The following ZNF280B variants were observed in gnomAD, a reference collection of about 807,000 sequenced individuals.
ZNF280B encodes the protein zinc finger protein 280B, also known as suppressor of hairy wing homolog 2.
A neutral mutation model predicts 38.0 loss-of-function variants in ZNF280B; 16 were observed. The observed-to-expected ratio is 0.42, with a 90% CI of 0.28 to 0.64. The LOEUF (loss-of-function observed/expected upper bound fraction) is 0.64. ZNF280B is among the 30% of genes least tolerant of loss of function. The pLI is 0.21. For synonymous variants in ZNF280B, 253 were observed against 230.6 expected (o/e 1.10, Z -0.88); for missense variants, 581 against 639.6 (o/e 0.91, Z 0.99).
At chr22:22,501,237 T>C (rs2061818467) in intron 2 of ZNF280B, among the ~76,000 whole-genome samples, 1 of 151,792 alleles carries the variant, frequency 6.6e-6, no homozygotes, top group Non-Finnish European at 1.5e-5. Context: ...TGGTAAATTA[T>C]ATGCGTTTTT....
At chr22:22,490,526 G>A (rs2061572071) in intron 3 of ZNF280B, among the ~76,000 whole-genome samples, 1 of 151,720 alleles carries the variant, frequency 6.6e-6, no homozygotes, top group South Asian at 2.1e-4. Flanking sequence ...TATCACCCAG[G>A]TATATATTTC....
rs2061488137 is a variant in ZNF280B at position 22,485,137 on chromosome 22, G to A, written c.*2630C>T. 1 of 151,962 alleles carries A rather than the reference G, an allele frequency of 6.6e-6. No homozygotes were observed. Among genetic ancestry groups the A allele is most frequent in the African/African-American group, 2.4e-5 (1 of 41,326 alleles). The allele number at this position is 151,962 out of a possible 1,614,324, so 9.4% of individuals were successfully genotyped here. A position where few individuals can be genotyped will look rare whatever the true frequency, so the allele number is the denominator to read the frequency against. ...GAATGAAAAAGAGAGGAAGGAGGTA[G>A]GCAGGGGCCAGATCACTGGAATCTA... On this transcript the variant is annotated 3_prime_UTR_variant, in exon 4 of 4. Coordinates refer to ENST00000626650, the MANE Select transcript of ZNF280B (RefSeq NM_080764.4).
At chr22:22,497,097 C>T (rs13058551) in intron 2 of ZNF280B, among the ~76,000 whole-genome samples, 8 of 150,488 alleles carry the variant, frequency 5.3e-5, no homozygotes, top group Admixed American at 2.7e-4. Context: ...GAATTACAGG[C>T]GTGAGGCACC....
chr22:22,496,675 G>A (rs573840937), intron 2 of ZNF280B, among the ~76,000 whole-genome samples: 2 of 151,720 alleles, frequency 1.3e-5, no homozygotes, highest in Admixed American at 6.6e-5. Flanking sequence ...GTGGGGTGAA[G>A]AAAGTGATAG....
rs767198807 is a variant in ZNF280B at position 22,489,386 on chromosome 22, A to G, written c.13T>C (p.Cys5Arg). ...GGTTCAGGCTCTTTCTCTTCCTCAC[A>G]TGATTGTTCCATTTTCTAATTTTTT... MEQSCEEEKEPEPQK... is the reference protein window; with the variant it reads MEQSREEEKEPEPQK... The change falls in exon 4 of 4, where the codon TGT (cysteine) becomes CGT (arginine). Residue 5 changes from cysteine (C) to arginine (R), a missense_variant. By Grantham distance (180) the Cys-to-Arg change is radical. Transcript: ENST00000626650. The G allele has an allele frequency of 2.5e-6, 4 of 1,587,490 alleles. No homozygotes were observed. Among genetic ancestry groups the G allele is most frequent in the Non-Finnish European group, 3.4e-6 (4 of 1,170,636 alleles).
intron 2 of ZNF280B, among the ~76,000 whole-genome samples, chr22:22,506,846 G>A (rs1243347112): frequency 2.6e-5 from 4 of 151,920 alleles, no homozygotes; most frequent in Admixed American, 2.6e-4. Flanking sequence ...GGGTTAAATG[G>A]TGGATAAATG....
intron 2 of ZNF280B, among the ~76,000 whole-genome samples, chr22:22,501,027 A>AC (rs954664469): frequency 1.5e-4 from 22 of 147,344 alleles, no homozygotes; most frequent in African/African-American, 5.3e-4. Flanking sequence ...CTCAAAAAAA[A>AC]AAAAAAAAAA....
intron 2 of ZNF280B, among the ~76,000 whole-genome samples, chr22:22,496,561 C>T (rs1357487153): frequency 6.6e-6 from 1 of 151,858 alleles, no homozygotes; most frequent in African/African-American, 2.4e-5. Flanking sequence ...TCCTATAAAA[C>T]TCCCATTTAC....
At chr22:22,499,317 T>C (rs1274259184) in intron 2 of ZNF280B, among the ~76,000 whole-genome samples, 1 of 151,462 alleles carries the variant, frequency 6.6e-6, no homozygotes, top group East Asian at 2.0e-4. Flanking sequence ...CAGGCTGGAG[T>C]GAAATGGCAC....
At chr22:22,508,196 G>A (rs942238883) in intron 1 of ZNF280B, among the ~76,000 whole-genome samples, 2 of 151,890 alleles carry the variant, frequency 1.3e-5, no homozygotes, top group East Asian at 3.9e-4. Flanking sequence ...TGCGGTAGGG[G>A]AGAGAGACCC....
At position 22,488,227 on chromosome 22, in the gene ZNF280B, T is replaced by C. The variant is rs769126854; in HGVS notation, c.1172A>G (p.His391Arg). The C allele has an allele frequency of 6.2e-7, 1 of 1,613,882 alleles. No individual in the cohort carries two copies. The highest frequency in any genetic ancestry group is 1.1e-5 in the South Asian group (1 of 91,072). Residue 391 changes from histidine to arginine, a missense_variant, in exon 4 of 4, where the codon CAC becomes CGC. His to Arg is a conservative substitution (Grantham distance 29). Coordinates refer to ENST00000626650, the MANE Select transcript of ZNF280B (RefSeq NM_080764.4). ...GCCAGGCTTATGATGGTCCTTCATG[T>C]GTTGTAAGAGGACCTGATCTGTTTC... ...SFETDQVLLQ[H>R]MKDHHKPGEM...
Position 22,487,775 on chromosome 22 carries a change from A to C in ZNF280B, c.1624T>G (p.Ser542Ala). The part of the protein sequence containing the change: ...PRSKSKISKK[S>A]H The stretch of plus-strand genomic sequence containing the variant: ...ATTTACTGAAACTAGAATTAATGGG[A>C]CTTTTTTGAAATTTTGCTTTTAGAC... Residue 542 changes from serine (S) to alanine (A), a missense_variant, in exon 4 of 4, where the codon TCC (serine) becomes GCC (alanine). Ser to Ala is a moderately conservative substitution (Grantham distance 99, BLOSUM62 1). Coordinates refer to ENST00000626650, the MANE Select transcript of ZNF280B (RefSeq NM_080764.4). 1 of 1,571,958 alleles carries C rather than the reference A, an allele frequency of 6.4e-7. No individual in the cohort carries two copies. Among genetic ancestry groups the C allele is most frequent in the Non-Finnish European group, 8.6e-7 (1 of 1,163,352 alleles).
rs565061093 is a variant in ZNF280B at position 22,490,392 on chromosome 22, A to G, written c.-68-926T>C. The stretch of plus-strand genomic sequence containing the variant: ...GAAGACTACACTACCAACCCCACAT[A>G]CTGCTCCTGCAGTTATCTCATACTA... On this transcript the variant is annotated intron_variant, in intron 3 of 3. Coordinates refer to ENST00000626650, the MANE Select transcript of ZNF280B (RefSeq NM_080764.4). 3.3e-5 allele frequency among the ~76,000 whole-genome samples: 5 copies of G among 151,964 alleles called. No homozygotes were observed. In the South Asian group the frequency reaches 1.0e-3, roughly 32 times the overall value.
At chr22:22,507,140 C>CA (rs1202167572) in intron 2 of ZNF280B, among the ~76,000 whole-genome samples, 8 of 151,866 alleles carry the variant, frequency 5.3e-5, no homozygotes. Flanking sequence ...GCCAACAGCC[C>CA]AGTGAGTGAG....
intron 2 of ZNF280B, among the ~76,000 whole-genome samples, chr22:22,504,617 T>A (rs1322049580): frequency 6.6e-6 from 1 of 152,010 alleles, no homozygotes; most frequent in Non-Finnish European, 1.5e-5. Flanking sequence ...AAGACCATCA[T>A]ATAAGGTTCT....
Position 22,484,551 on chromosome 22 carries a change from T to C in ZNF280B, c.*3216A>G. The C allele has an allele frequency of 6.6e-6, 1 of 152,288 alleles. No individual in the cohort carries two copies. 9.4% of individuals were successfully genotyped at this position (152,288 alleles called of 1,614,324 possible). A position where few individuals can be genotyped will look rare whatever the true frequency, so the allele number is the denominator to read the frequency against. ...AGACAAGGAAATTCACAAAGGGCAA[T>C]AACAAAATAGTAATCTTGACATATT... On this transcript the variant is annotated 3_prime_UTR_variant, in exon 4 of 4. Coordinates refer to ENST00000626650, the MANE Select transcript of ZNF280B (RefSeq NM_080764.4).
At chr22:22,490,222 C>G (rs892820880) in intron 3 of ZNF280B, among the ~76,000 whole-genome samples, 1 of 151,912 alleles carries the variant, frequency 6.6e-6, no homozygotes, top group African/African-American at 2.4e-5. Flanking sequence ...TTAAACACAA[C>G]AGTGCTTCCT....
intron 2 of ZNF280B, among the ~76,000 whole-genome samples, chr22:22,506,959 A>C (rs1026044641): frequency 6.6e-6 from 1 of 151,946 alleles, no homozygotes; most frequent in Non-Finnish European, 1.5e-5. Context: ...TGTGGGATCA[A>C]GCACATACAG....
intron 2 of ZNF280B, among the ~76,000 whole-genome samples, chr22:22,498,715 A>G (rs1430392402): frequency 2.0e-5 from 3 of 150,786 alleles, no homozygotes; most frequent in Non-Finnish European, 4.4e-5. Flanking sequence ...ACATCTTTCT[A>G]TGAGGCTAGT....
Sources: gnomAD v4.1 joint callset for allele counts (sites outside exome capture counted in the v4.1 genomes callset) on GRCh38, gnomAD v4.1.1 for gene constraint, MANE v1.5 for transcripts, NCBI Gene and HGNC (gene_info 2026-07-23, HGNC 2026-07-21) for gene names.